The following MARK4 variants were observed in gnomAD, a reference collection of about 807,000 sequenced individuals.
The protein encoded by MARK4 is microtubule affinity regulating kinase 4.
MARK4 carries 19 observed loss-of-function variants against 81.5 expected under a neutral mutation model. That is an observed-to-expected ratio of 0.23 (90% confidence interval 0.16 to 0.34). MARK4 has a LOEUF of 0.34. Ranked by LOEUF, MARK4 falls within the 10% of genes least tolerant of loss-of-function variation. MARK4 has a pLI of 1.00. For synonymous variants in MARK4, 436 were observed against 439.0 expected (o/e 0.99, Z 0.08); for missense variants, 772 against 1,058.8 (o/e 0.73, Z 3.76).
In MARK4 at chr19:45,303,500, G is replaced by T. The variant is rs1223958576; in HGVS notation, c.*790G>T. On this transcript the variant is annotated 3_prime_UTR_variant, in exon 17 of 17. Transcript: ENST00000262891. The stretch of plus-strand genomic sequence containing the variant: ...TCATCTGCAGAATGGGAGCGGTGGG[G>T]GTGGGAAGGTAAGGATGGTCGTGGA... 1 of 152,088 alleles carries T rather than the reference G, an allele frequency of 6.6e-6. No homozygotes were observed. The highest frequency in any genetic ancestry group is 1.9e-4 in the East Asian group (1 of 5,182). 9.4% of individuals were successfully genotyped at this position (152,088 alleles called of 1,614,324 possible).
intron 1 of MARK4, among the ~76,000 whole-genome samples, chr19:45,252,754 C>A (rs1213806152): frequency 1.3e-5 from 2 of 152,098 alleles, no homozygotes; most frequent in East Asian, 1.9e-4. Context: ...AAGCTTTCTC[C>A]CCAAATTTCT....
intron 14 of MARK4, among the ~76,000 whole-genome samples, chr19:45,296,263 A>T (rs935218873): frequency 9.9e-5 from 15 of 152,256 alleles, no homozygotes; most frequent in Non-Finnish European, 1.9e-4. Flanking sequence ...AAAAATAAAA[A>T]GTATAGACTC....
At chr19:45,265,064 A>G (rs1204749584) in intron 6 of MARK4, among the ~76,000 whole-genome samples, 154 bp downstream of exon 6, 2 of 152,116 alleles carry the variant, frequency 1.3e-5, no homozygotes, top group South Asian at 2.1e-4. Context: ...CTGGGCATAT[A>G]GTTGCCCAGA....
Position 45,278,550 on chromosome 19 carries a change from A to G in MARK4, c.941A>G (p.Tyr314Cys). 6.2e-7 allele frequency: 1 copy of G among 1,613,852 alleles called. No homozygotes were observed. The highest frequency in any genetic ancestry group is 2.2e-5 in the East Asian group (1 of 44,874). ...IMKDKWINIGYEGEELKPYTE... is the reference protein window; with the variant it reads ...IMKDKWINIGCEGEELKPYTE... ...AAAGACAAATGGATCAACATCGGCT[A>G]TGAGGGTGAGGAGTTGAAGCCATAC... The change falls in exon 10 of 17, where the codon TAT (tyrosine) becomes TGT (cysteine). Residue 314 changes from tyrosine (Y) to cysteine (C), a missense_variant. Tyr to Cys is a radical substitution (Grantham distance 194). Transcript: ENST00000262891.
Position 45,302,500 on chromosome 19 carries a change from C to T in MARK4, c.2049C>T (p.Ala683=), listed in dbSNP as rs766337671. ...LMAALRQATA[A]ARCRCRQPQP... ...CAGCTCTGCGCCAGGCCACAGCAGCCGCCCGCTGCCGCTGCCGCCAGCCAC... is the reference window on the plus strand; with the variant it reads ...CAGCTCTGCGCCAGGCCACAGCAGCTGCCCGCTGCCGCTGCCGCCAGCCAC... Residue 683 remains alanine, a synonymous_variant, in exon 17 of 17, where the codon GCC becomes GCT. Transcript: ENST00000262891. This position sits in a 1 kb window ranked among gnomAD's most constrained non-coding sequence, Gnocchi z 4.9. 4.4e-6 allele frequency: 7 copies of T among 1,604,176 alleles called. No individual in the cohort carries two copies. The highest frequency in any genetic ancestry group is 2.2e-5 in the South Asian group (2 of 91,016).
chr19:45,260,766 C>G (rs1970371150), intron 2 of MARK4, among the ~76,000 whole-genome samples: 1 of 152,138 alleles, frequency 6.6e-6, no homozygotes, highest in African/African-American at 2.4e-5. Flanking sequence ...TGAGCTGCCT[C>G]TCTGTTTTAA....
chr19:45,291,090 C>G (rs1003529621), intron 13 of MARK4, among the ~76,000 whole-genome samples: 1 of 152,166 alleles, frequency 6.6e-6, no homozygotes, highest in African/African-American at 2.4e-5. Context: ...TTCCCCAGCC[C>G]CGAGACCTGG....
intron 13 of MARK4, chr19:45,288,038 A>G (rs2123091656): frequency 7.0e-6 from 2 of 287,486 alleles, no homozygotes; most frequent in South Asian, 3.8e-5. Context: ...CAGGAGTTCA[A>G]GAAGCATAGC....
chr19:45,295,354 A>G (rs370114164), intron 14 of MARK4, among the ~76,000 whole-genome samples: 1 of 151,240 alleles, frequency 6.6e-6, no homozygotes, highest in South Asian at 2.1e-4. Context: ...GCGAGACTCC[A>G]TCTCAAAAAA....
chr19:45,264,940 T>A, intron 6 of MARK4, 30 bp downstream of exon 6: 1 of 1,610,022 alleles, frequency 6.2e-7, no homozygotes, highest in Non-Finnish European at 8.5e-7. Context: ...TGGGGCTGAC[T>A]GGGTGCCTGG....
Position 45,264,393 on chromosome 19 carries a change from C to T in MARK4, c.356-291C>T, listed in dbSNP as rs554486060. Among the ~76,000 whole-genome samples, 4 of 150,474 alleles carry T rather than the reference C, an allele frequency of 2.7e-5. No individual in the cohort carries two copies. The East Asian group carries it at 6.0e-4, about 23-fold the overall frequency. On this transcript the variant is annotated intron_variant, in intron 4 of 16. Coordinates refer to ENST00000262891, the MANE Select transcript of MARK4 (RefSeq NM_001199867.2). Reference sequence around the variant, plus strand: ...GCGCATGCTTGTAATCCCAGCTACTCGGGAGGCTGAGGCAGGAGAATCGCT... The same window carrying T: ...GCGCATGCTTGTAATCCCAGCTACTTGGGAGGCTGAGGCAGGAGAATCGCT...
In MARK4 at chr19:45,263,366, C is replaced by T. The variant is rs200336993; in HGVS notation, c.354C>T (p.Ile118=). The T allele has an allele frequency of 1.5e-5, 25 of 1,614,004 alleles. No individual in the cohort carries two copies. The highest frequency in any genetic ancestry group is 2.7e-5 in the African/African-American group (2 of 74,930). The change falls in exon 4 of 17, where the codon ATC becomes ATT. Residue 118 remains isoleucine (I), a splice_region_variant and synonymous_variant. Transcript: ENST00000262891. ...TGAAGGGCCTAAACCACCCCAACAT[C>T]GGTGAGGAGGGAATGGGAGCAGGGG... The part of the protein sequence containing the change: ...RIMKGLNHPN[I]VKLFEVIETE...
intron 14 of MARK4, among the ~76,000 whole-genome samples, chr19:45,296,071 G>C (rs1970883015): frequency 6.6e-6 from 1 of 152,146 alleles, no homozygotes; most frequent in African/African-American, 2.4e-5. Flanking sequence ...GAGAGGTTAA[G>C]TAACTTATCC....
chr19:45,287,689 G>A, intron 13 of MARK4, 25 bp downstream of exon 13: 2 of 1,594,870 alleles, frequency 1.3e-6, no homozygotes, highest in Non-Finnish European at 1.7e-6. Context: ...CTGGGGGGCA[G>A]GGCTGGGGGC....
Position 45,302,887 on chromosome 19 carries a change from A to C in MARK4, c.*177A>C. ...CTCTGGGGCCGCTCAGCACAGAAGA[A>C]GGATGAGGGGGCTCAGCGGGGGGAG... On this transcript the variant is annotated 3_prime_UTR_variant, in exon 17 of 17. Coordinates refer to ENST00000262891, the MANE Select transcript of MARK4 (RefSeq NM_001199867.2). The surrounding 1 kb of genome is among the most constrained non-coding windows in gnomAD (Gnocchi z 4.9). 1 of 1,053,882 alleles carries C rather than the reference A, an allele frequency of 9.5e-7. No individual in the cohort carries two copies. The highest frequency in any genetic ancestry group is 1.3e-6 in the Non-Finnish European group (1 of 755,250). 65.3% of individuals were successfully genotyped at this position (1,053,882 alleles called of 1,614,324 possible).
At chr19:45,262,101 A>G (rs1383291834) in intron 2 of MARK4, among the ~76,000 whole-genome samples, 1 of 152,162 alleles carries the variant, frequency 6.6e-6, no homozygotes, top group Non-Finnish European at 1.5e-5. Context: ...ACAATTTACT[A>G]GCCATGTAAC....
chr19:45,254,684 G>C (rs1273850613), intron 1 of MARK4, among the ~76,000 whole-genome samples: 1 of 152,216 alleles, frequency 6.6e-6, no homozygotes, highest in Non-Finnish European at 1.5e-5. Context: ...TGGCGGACGC[G>C]TGGTTAGAGC....
chr19:45,262,868 G>A lies in MARK4; in HGVS notation c.253-245G>A, dbSNP rs186762342. Reference sequence around the variant, plus strand: ...CAACCTCTGCCTCCCAGGCTCAAGCGATTCTTCCAACTCAGCCTCCAGAGT... The same window carrying A: ...CAACCTCTGCCTCCCAGGCTCAAGCAATTCTTCCAACTCAGCCTCCAGAGT... On this transcript the variant is annotated intron_variant, in intron 2 of 16. Coordinates refer to ENST00000262891, the MANE Select transcript of MARK4 (RefSeq NM_001199867.2). The A allele has an allele frequency of 2.9e-3, 1,331 of 465,516 alleles. 5 individuals are homozygous for A. Among genetic ancestry groups the A allele is most frequent in the Non-Finnish European group, 3.7e-3 (932 of 251,992 alleles). 28.8% of individuals were successfully genotyped at this position (465,516 alleles called of 1,614,324 possible).
intron 14 of MARK4, among the ~76,000 whole-genome samples, chr19:45,294,787 G>A (rs1392257012): frequency 3.3e-5 from 5 of 152,152 alleles, no homozygotes; most frequent in South Asian, 2.1e-4. Flanking sequence ...CTGGTTTTCC[G>A]GCTTGTTGGC....
Sources: gnomAD v4.1 joint callset for allele counts (sites outside exome capture counted in the v4.1 genomes callset) on GRCh38, gnomAD v4.1.1 for gene constraint, Gnocchi (gnomAD v3.1) non-coding constraint, MANE v1.5 for transcripts, NCBI Gene and HGNC (gene_info 2026-07-23, HGNC 2026-07-21) for gene names.